The following CLXN variants were observed in gnomAD, a reference collection of about 807,000 sequenced individuals.
CLXN encodes the protein calaxin.
chr8:48,734,832 G>C, the CLXN span: 14 of 469,716 alleles, frequency 3.0e-5, 1 homozygote, highest in African/African-American at 2.5e-4. Context: ...AAAGAAGAGG[G>C]TTGGAGAAGC....
At chr8:48,720,849 C>A in the CLXN span, among the ~76,000 whole-genome samples, 1 of 152,184 alleles carries the variant, frequency 6.6e-6, no homozygotes, top group Non-Finnish European at 1.5e-5. Flanking sequence ...GATGTCACCC[C>A]CAGTGGCCCA....
chr8:48,710,795 C>T, the CLXN span: 1 of 152,158 alleles, frequency 6.6e-6, no homozygotes, highest in Non-Finnish European at 1.5e-5. Context: ...GGTGTTATTC[C>T]AATTTTACAT....
the CLXN span, chr8:48,723,259 T>C: frequency 6.6e-6 from 1 of 152,216 alleles, no homozygotes; most frequent in Non-Finnish European, 1.5e-5. Context: ...ACCTTAAATA[T>C]ATACAGTTTT....
the CLXN span, among the ~76,000 whole-genome samples, chr8:48,718,397 C>T: frequency 6.6e-6 from 1 of 152,020 alleles, no homozygotes; most frequent in Non-Finnish European, 1.5e-5. Flanking sequence ...ATCCCACTTA[C>T]AATAATGGAT....
the CLXN span, chr8:48,730,090 G>A: frequency 7.3e-6 from 3 of 413,080 alleles, no homozygotes; most frequent in Non-Finnish European, 1.3e-5. Flanking sequence ...CCAAGGAACA[G>A]TAACTTGAAT....
chr8:48,719,160 T>C, the CLXN span, among the ~76,000 whole-genome samples: 2 of 151,796 alleles, frequency 1.3e-5, no homozygotes, highest in Middle Eastern at 3.4e-3. Flanking sequence ...TATGCCCAAA[T>C]TGGATAACAG....
At chr8:48,720,116 G>C in the CLXN span, among the ~76,000 whole-genome samples, 2 of 152,050 alleles carry the variant, frequency 1.3e-5, no homozygotes, top group African/African-American at 4.8e-5. Context: ...GAAGATGTAC[G>C]TCACCTCAGG....
At chr8:48,724,916 G>A in the CLXN span, 15 of 722,506 alleles carry the variant, frequency 2.1e-5, 1 homozygote, top group African/African-American at 1.6e-4. Context: ...AGTGGGCATC[G>A]AGAACTTCTG....
the CLXN span, among the ~76,000 whole-genome samples, chr8:48,725,863 G>T: frequency 6.6e-6 from 1 of 151,874 alleles, no homozygotes; most frequent in Non-Finnish European, 1.5e-5. Flanking sequence ...TAATCGGAAG[G>T]TTTCACTAGA....
chr8:48,722,724 T>G, the CLXN span, among the ~76,000 whole-genome samples: 1 of 151,590 alleles, frequency 6.6e-6, no homozygotes, highest in African/African-American at 2.4e-5. Flanking sequence ...TTTCACCCCA[T>G]GCCACTGCCT....
the CLXN span, chr8:48,715,204 T>C: frequency 6.6e-6 from 1 of 152,254 alleles, no homozygotes; most frequent in African/African-American, 2.4e-5. Flanking sequence ...TCTGAAATAT[T>C]CTTCAGAGAA....
chr8:48,729,575 G>T, the CLXN span: 7 of 787,914 alleles, frequency 8.9e-6, no homozygotes, highest in East Asian at 2.8e-5. Context: ...AAACTGAAAA[G>T]AACTATTAAT....
At chr8:48,719,217 T>G in the CLXN span, among the ~76,000 whole-genome samples, 1 of 151,982 alleles carries the variant, frequency 6.6e-6, no homozygotes, top group Admixed American at 6.6e-5. Context: ...CAAACTGAAT[T>G]AGGAAGAAAC....
the CLXN span, chr8:48,711,394 AC>A: frequency 2.0e-5 from 3 of 151,462 alleles, no homozygotes; most frequent in Admixed American, 2.0e-4. Flanking sequence ...CGCTCCTCTC[AC>A]TCTGCCTCTC....
At chr8:48,733,441 T>C in the CLXN span, among the ~76,000 whole-genome samples, 3 of 152,216 alleles carry the variant, frequency 2.0e-5, no homozygotes, top group East Asian at 5.8e-4. Flanking sequence ...CTGCAGAACA[T>C]ATCTGTAGAA....
At chr8:48,726,722 A>G in the CLXN span, among the ~76,000 whole-genome samples, 148 of 120,194 alleles carry the variant, frequency 1.2e-3, no homozygotes, top group African/African-American at 4.8e-3. Flanking sequence ...TACCTACCTC[A>G]CCCATCCATC....
chr8:48,732,820 G>A, the CLXN span, among the ~76,000 whole-genome samples: 11 of 152,232 alleles, frequency 7.2e-5, no homozygotes, highest in Non-Finnish European at 1.6e-4. Context: ...GAACATTTAT[G>A]GATATTGCAC....
chr8:48,729,221 G>T, the CLXN span: 1 of 1,317,786 alleles, frequency 7.6e-7, no homozygotes, highest in South Asian at 1.3e-5. Flanking sequence ...ATAGTCAAGT[G>T]TTAATTTAAA....
the CLXN span, chr8:48,715,051 C>T: frequency 1.3e-5 from 2 of 152,228 alleles, no homozygotes; most frequent in South Asian, 4.2e-4. Flanking sequence ...GACAAAAGTG[C>T]ATTTTCAATA....
Sources: gnomAD v4.1 joint callset for allele counts (sites outside exome capture counted in the v4.1 genomes callset) on GRCh38, gnomAD v4.1.1 for gene constraint, MANE v1.5 for transcripts, NCBI Gene and HGNC (gene_info 2026-07-23, HGNC 2026-07-21) for gene names.